Variants in GRAMD2A observed in about 807,000 individuals in gnomAD.
The protein encoded by GRAMD2A is GRAM domain-containing protein 2A.
GRAMD2A carries 37 observed loss-of-function variants against 51.1 expected under a neutral mutation model. That is an observed-to-expected ratio of 0.72 (90% CI 0.56 to 0.95). GRAMD2A has a LOEUF of 0.95. Ranked by LOEUF, GRAMD2A falls within the 40% of genes least tolerant of loss-of-function variation. The pLI is 0.00. For synonymous variants in GRAMD2A, 136 were observed against 157.1 expected (o/e 0.87, Z 1.01); for missense variants, 414 against 426.9 (o/e 0.97, Z 0.27).
intron 8 of GRAMD2A, among the ~76,000 whole-genome samples, chr15:72,164,700 C>T (rs1278785674): frequency 1.3e-5 from 2 of 152,076 alleles, no homozygotes; most frequent in African/African-American, 2.4e-5. Context: ...CCACCACACT[C>T]GGCTCCCAGG....
At chr15:72,163,963 T>C (rs2081511685) in intron 8 of GRAMD2A, 1 of 532,006 alleles carries the variant, frequency 1.9e-6, no homozygotes, top group Non-Finnish European at 3.3e-6. Flanking sequence ...TGACTAGCTA[T>C]TCTGCCAGCA....
intron 3 of GRAMD2A, 91 bp from the exon 4 acceptor site, chr15:72,168,657 C>T (rs989659429): frequency 1.6e-5 from 17 of 1,095,414 alleles, no homozygotes; most frequent in Middle Eastern, 5.4e-4. Flanking sequence ...CCACAGCCCC[C>T]CGGCCCATGC....
intron 1 of GRAMD2A, among the ~76,000 whole-genome samples, chr15:72,172,277 C>T (rs1204530237): frequency 1.3e-5 from 2 of 151,930 alleles, no homozygotes; most frequent in African/African-American, 4.8e-5. Flanking sequence ...CTCCACCATG[C>T]CGGGCTAAGG....
At chr15:72,187,455 TCAAAAAAGAAAAAA>T (rs2081741386) in intron 1 of GRAMD2A, among the ~76,000 whole-genome samples, 1 of 148,344 alleles carries the variant, frequency 6.7e-6, no homozygotes, top group African/African-American at 2.5e-5. Context: ...AGACCCTGTC[TCAAAAAAGAAAAAA>T]CAAAAAAGAA....
intron 1 of GRAMD2A, among the ~76,000 whole-genome samples, chr15:72,186,356 G>A (rs1400728829): frequency 3.4e-5 from 5 of 146,516 alleles, no homozygotes; most frequent in East Asian, 2.0e-4. Context: ...ACAGAGTCTC[G>A]CTCTATCACC....
intron 1 of GRAMD2A, among the ~76,000 whole-genome samples, chr15:72,186,507 T>TA (rs775879928): frequency 5.3e-5 from 8 of 152,106 alleles, no homozygotes; most frequent in Non-Finnish European, 8.8e-5. Context: ...GTATTTTTAG[T>TA]AGAGACAGGG....
intron 1 of GRAMD2A, among the ~76,000 whole-genome samples, chr15:72,177,187 A>AT: frequency 6.6e-6 from 1 of 152,024 alleles, no homozygotes; most frequent in East Asian, 1.9e-4. Context: ...AAAAAAAAAA[A>AT]TGATGCCTGA....
In GRAMD2A at chr15:72,166,763, G is replaced by T; in HGVS notation, c.472-60C>A. 6.9e-7 allele frequency: 1 copy of T among 1,445,010 alleles called. No individual in the cohort carries two copies. The highest frequency in any genetic ancestry group is 9.7e-7 in the Non-Finnish European group (1 of 1,031,970). The allele number at this position is 1,445,010 out of a possible 1,614,324, so 89.5% of individuals were successfully genotyped here. A position where few individuals can be genotyped will look rare whatever the true frequency, so the allele number is the denominator to read the frequency against. Reference sequence around the variant, plus strand: ...TGAGATGAGACTCCTTGCTGTGCCAGCCAGCCCCCTTGTGGATTGGGCACA... The same window carrying T: ...TGAGATGAGACTCCTTGCTGTGCCATCCAGCCCCCTTGTGGATTGGGCACA... On this transcript the variant is annotated intron_variant, in intron 6 of 11. Transcript: ENST00000309731. The surrounding 1 kb of genome is among the most constrained non-coding windows in gnomAD (Gnocchi z 4.1).
At chr15:72,197,164 G>A (rs537032650) in intron 1 of GRAMD2A, among the ~76,000 whole-genome samples, 1 of 152,074 alleles carries the variant, frequency 6.6e-6, no homozygotes, top group Non-Finnish European at 1.5e-5. Flanking sequence ...GCCCCAGCCC[G>A]CCCGACCGGG....
chr15:72,177,605 G>C (rs7170456), intron 1 of GRAMD2A, among the ~76,000 whole-genome samples: 99,609 of 152,196 alleles, frequency 0.65, 33,511 homozygotes, highest in Middle Eastern at 0.74. Flanking sequence ...GCAGTTTCCA[G>C]TTTTTGCCTC....
intron 2 of GRAMD2A, chr15:72,169,510 G>C (rs1156761834): frequency 1.8e-6 from 1 of 545,828 alleles, no homozygotes; most frequent in East Asian, 4.6e-5. Context: ...GGGGAGCTTG[G>C]CACAGACTCA....
chr15:72,191,613 A>C (rs532617918), intron 1 of GRAMD2A, among the ~76,000 whole-genome samples: 19 of 152,376 alleles, frequency 1.2e-4, no homozygotes, highest in African/African-American at 4.3e-4. Flanking sequence ...TGCATGAAAT[A>C]ATCATCAATG....
chr15:72,171,702 G>T (rs550230257), intron 1 of GRAMD2A, among the ~76,000 whole-genome samples: 197 of 152,274 alleles, frequency 1.3e-3, no homozygotes, highest in African/African-American at 4.5e-3. Flanking sequence ...TTACTGGTAG[G>T]TTGAACAGTT....
Position 72,167,028 on chromosome 15 carries a change from T to C in GRAMD2A, c.437A>G (p.Asn146Ser). Residue 146 changes from asparagine (N) to serine (S), a missense_variant, in exon 6 of 12, where the codon AAT becomes AGT. Transcript: ENST00000309731. ...GGTGTTGGTGGTGATGGCCAGTCCATTGGGAAGGAGCCGTGCCATCTTGTG... is the reference window on the plus strand; with the variant it reads ...GGTGTTGGTGGTGATGGCCAGTCCACTGGGAAGGAGCCGTGCCATCTTGTG... ...KKHKMARLLP[N>S]GLAITTNTSQ... 1 of 1,614,008 alleles carries C rather than the reference T, an allele frequency of 6.2e-7. No individual in the cohort carries two copies. The highest frequency in any genetic ancestry group is 8.5e-7 in the Non-Finnish European group (1 of 1,179,950).
chr15:72,165,150 A>AGAAAAGAAAGCCTATCT (rs1439493603), intron 8 of GRAMD2A, among the ~76,000 whole-genome samples: 1 of 152,236 alleles, frequency 6.6e-6, no homozygotes, highest in Non-Finnish European at 1.5e-5. Context: ...CAAAAAAGAA[A>AGAAAAGAAAGCCTATCT]GAAAAGAAAG....
chr15:72,196,094 T>A (rs2081803229), intron 1 of GRAMD2A, among the ~76,000 whole-genome samples: 1 of 152,140 alleles, frequency 6.6e-6, no homozygotes, highest in South Asian at 2.1e-4. Flanking sequence ...CTGTCAGCTT[T>A]CCCCTCTGGA....
intron 1 of GRAMD2A, among the ~76,000 whole-genome samples, chr15:72,181,492 G>A (rs1212372054): frequency 6.6e-6 from 1 of 152,206 alleles, no homozygotes; most frequent in African/African-American, 2.4e-5. Context: ...ATTTTCCATG[G>A]AGAGAGATCA....
chr15:72,175,879 GAA>G (rs2081648885), intron 1 of GRAMD2A: 3 of 152,634 alleles, frequency 2.0e-5, no homozygotes, highest in Admixed American at 1.3e-4. Flanking sequence ...CCAAAAGGGA[GAA>G]GCAGAGGAAA....
chr15:72,184,319 ACT>A (rs2081719529), intron 1 of GRAMD2A, among the ~76,000 whole-genome samples: 1 of 152,216 alleles, frequency 6.6e-6, no homozygotes, highest in African/African-American at 2.4e-5. Flanking sequence ...CCACAGCCAC[ACT>A]CAGTGGCTCC....
Sources: gnomAD v4.1 joint callset for allele counts (sites outside exome capture counted in the v4.1 genomes callset) on GRCh38, gnomAD v4.1.1 for gene constraint, Gnocchi (gnomAD v3.1) non-coding constraint, MANE v1.5 for transcripts, NCBI Gene and HGNC (gene_info 2026-07-23, HGNC 2026-07-21) for gene names.